Variants in CACNA1I observed in about 807,000 individuals in gnomAD.
The protein encoded by CACNA1I is voltage-dependent T-type calcium channel subunit alpha-1I.
In CACNA1I, 74 loss-of-function variants were observed where a neutral mutation model predicts 201.6. The observed-to-expected ratio is 0.37, with a 90% CI of 0.30 to 0.45. The LOEUF is 0.45. Among genes scored for constraint, CACNA1I ranks in the 20% least tolerant of loss-of-function variants. The pLI is 1.00. For missense variants in CACNA1I, 2,346 were observed against 3,138.1 expected (o/e 0.75, Z 6.03); for synonymous variants, 1,431 against 1,345.2 (o/e 1.06, Z -1.40).
intron 3 of CACNA1I, among the ~76,000 whole-genome samples, chr22:39,613,767 T>C (rs915858639): frequency 1.3e-5 from 2 of 151,932 alleles, no homozygotes. Context: ...CGGTGACTGA[T>C]GCAGTGGGAG....
rs532547712 is a variant in CACNA1I, at chr22:39,620,733, G to T, written c.580+1326G>T. The stretch of plus-strand genomic sequence containing the variant: ...CTGCCTGCCTTCCTGGTTTTTTTTT[G>T]TTGTTGTTGTTTGTTTGTTTGTTTG... On this transcript the variant is annotated intron_variant, in intron 4 of 36. Transcript: ENST00000402142. 5.0e-3 allele frequency among the ~76,000 whole-genome samples: 722 copies of T among 144,024 alleles called. 2 individuals carry two copies. Among genetic ancestry groups the T allele is most frequent in the Middle Eastern group, 7.1e-3 (2 of 280 alleles). 94.5% of individuals were successfully genotyped at this position (144,024 alleles called of 152,430 possible). A position where few individuals can be genotyped will look rare whatever the true frequency, so the allele number is the denominator to read the frequency against.
Position 39,649,222 on chromosome 22 carries a change from G to A in CACNA1I, c.1568-279G>A, listed in dbSNP as rs939874670. Among the ~76,000 whole-genome samples the A allele has an allele frequency of 5.3e-5, 8 of 152,174 alleles. No individual in the cohort carries two copies. The highest frequency in any genetic ancestry group is 1.4e-4 in the African/African-American group (6 of 41,448). On this transcript the variant is annotated intron_variant, in intron 9 of 36. Coordinates refer to ENST00000402142, the MANE Select transcript of CACNA1I (RefSeq NM_021096.4). The surrounding 1 kb of genome is among the most constrained non-coding windows in gnomAD (Gnocchi z 7.3). ...GGATGGCCGGTCAGCACGGATGCGC[G>A]CCCTGCACCGTGCTGGGCCCATCAT...
chr22:39,576,646 C>G (rs1033477374), intron 1 of CACNA1I, among the ~76,000 whole-genome samples: 1 of 152,196 alleles, frequency 6.6e-6, no homozygotes, highest in Non-Finnish European at 1.5e-5. Flanking sequence ...CCTCTCTGCT[C>G]GGGAAAGGGG....
chr22:39,581,506 C>T (rs753579894), intron 1 of CACNA1I, among the ~76,000 whole-genome samples: 43 of 152,120 alleles, frequency 2.8e-4, no homozygotes, highest in Admixed American at 2.0e-3. Flanking sequence ...GACAGAGAGG[C>T]GAAGTGCCTG....
chr22:39,653,348 A>G (rs1473943885), intron 10 of CACNA1I, among the ~76,000 whole-genome samples: 4 of 152,180 alleles, frequency 2.6e-5, no homozygotes, highest in Non-Finnish European at 5.9e-5. Context: ...AGGGGCAGCC[A>G]TGGTCTCCTG....
At chr22:39,598,551 T>C (rs1332427850) in intron 2 of CACNA1I, among the ~76,000 whole-genome samples, 4 of 151,956 alleles carry the variant, frequency 2.6e-5, no homozygotes, top group African/African-American at 7.3e-5. Flanking sequence ...TTGAAGCCTC[T>C]ACCTTAGTCC....
At chr22:39,670,672 G>T in intron 25 of CACNA1I, 131 bp from the exon 26 acceptor site, 1 of 832,528 alleles carries the variant, frequency 1.2e-6, no homozygotes, top group South Asian at 1.5e-5. Flanking sequence ...TGATCCCAGG[G>T]CCTGGGGTGG....
chr22:39,624,599 C>T (rs903111133), intron 4 of CACNA1I, among the ~76,000 whole-genome samples: 9 of 152,178 alleles, frequency 5.9e-5, no homozygotes, highest in African/African-American at 2.2e-4. Context: ...CTGGAAGGGC[C>T]CTGCAGATAC....
intron 1 of CACNA1I, among the ~76,000 whole-genome samples, chr22:39,578,456 G>A (rs1016314874): frequency 6.6e-6 from 1 of 151,930 alleles, no homozygotes; most frequent in Non-Finnish European, 1.5e-5. Flanking sequence ...GTCTACACAG[G>A]CAGCTCCTGG....
chr22:39,614,702 A>C (rs924881688), intron 3 of CACNA1I, among the ~76,000 whole-genome samples: 3 of 152,208 alleles, frequency 2.0e-5, no homozygotes, highest in Admixed American at 6.5e-5. Flanking sequence ...GCTAGGAGCC[A>C]GGAGCCAGGG....
At position 39,674,012 on chromosome 22, in the gene CACNA1I, G is replaced by A. The variant is rs1039020565; in HGVS notation, c.4833G>A (p.Thr1611=). ...MATGMRALLD[T]VVQALPQVGN... ...CAGGAATGCGGGCCCTGCTGGACAC[G>A]GTGGTGCAAGCTTTGCCCCAGGTAA... The change falls in exon 29 of 37, where the codon ACG becomes ACA. Residue 1611 remains threonine, a synonymous_variant. Transcript: ENST00000402142. The A allele has an allele frequency of 1.1e-5, 18 of 1,613,284 alleles. No homozygotes were observed. The highest frequency in any genetic ancestry group is 8.3e-5 in the Admixed American group (5 of 59,990).
rs1601523764 is a variant in CACNA1I, at chr22:39,674,375, A to T, written c.4854+342A>T. Among the ~76,000 whole-genome samples the T allele has an allele frequency of 3.3e-5, 5 of 152,230 alleles. No homozygotes were observed. In the South Asian group the frequency reaches 1.0e-3, roughly 32 times the overall value. ...CCTCCAGCATGCTCCAGAGAGAGAG[A>T]AGAGTGCCAGACACTCCCTGGGGAG... On this transcript the variant is annotated intron_variant, in intron 29 of 36. Transcript: ENST00000402142.
intron 4 of CACNA1I, among the ~76,000 whole-genome samples, chr22:39,620,034 T>TCCATCCAA (rs1933684835): frequency 7.5e-6 from 1 of 133,868 alleles, no homozygotes; most frequent in Non-Finnish European, 1.6e-5. Context: ...CATCCATCCA[T>TCCATCCAA]CCATCCATCC....
intron 5 of CACNA1I, among the ~76,000 whole-genome samples, chr22:39,637,091 C>T (rs1934237596): frequency 6.6e-6 from 1 of 152,210 alleles, no homozygotes; most frequent in Admixed American, 6.5e-5. Flanking sequence ...CTCACCGACC[C>T]CTTCCAGGGG....
intron 3 of CACNA1I, among the ~76,000 whole-genome samples, chr22:39,613,307 A>T (rs1478461483): frequency 2.0e-5 from 3 of 152,284 alleles, no homozygotes; most frequent in Non-Finnish European, 4.4e-5. Flanking sequence ...GCTCTGAGCC[A>T]ACCCCTGCTC....
At chr22:39,577,078 A>T (rs1201036566) in intron 1 of CACNA1I, among the ~76,000 whole-genome samples, 1 of 151,972 alleles carries the variant, frequency 6.6e-6, no homozygotes, top group Non-Finnish European at 1.5e-5. Flanking sequence ...CAGCCTCCTG[A>T]GTAGCTGGGA....
rs1935152058 is a variant in CACNA1I at position 39,665,298 on chromosome 22, CTGCTCTGCCCG to C, written c.3852-197_3852-187del. 6.6e-6 allele frequency among the ~76,000 whole-genome samples: 1 copy of C among 152,138 alleles called. No homozygotes were observed. Among genetic ancestry groups the C allele is most frequent in the Admixed American group, 6.5e-5 (1 of 15,278 alleles). On this transcript the variant is annotated intron_variant, in intron 21 of 36. Coordinates refer to ENST00000402142, the MANE Select transcript of CACNA1I (RefSeq NM_021096.4). The surrounding 1 kb of genome is among the most constrained non-coding windows in gnomAD (Gnocchi z 5.5). ...CTGAGGCCTGGGTGCAGCTTGCCTCCTGCTCTGCCCGTGTCTGGGCTGCCTGGCCACTTTCT... is the reference window on the plus strand; with the variant it reads ...CTGAGGCCTGGGTGCAGCTTGCCTCCTGTCTGGGCTGCCTGGCCACTTTCT...
rs780676438 is a variant in CACNA1I at position 39,646,783 on chromosome 22, G to A, written c.1364G>A (p.Gly455Asp). 4 of 1,573,108 alleles carry A rather than the reference G, an allele frequency of 2.5e-6. No homozygotes were observed. In the South Asian group the frequency reaches 3.5e-5, roughly 14 times the overall value. ...ILRKAKRRAL[G>D]LYQALQSRRQ... ...CGCAAGGCCAAGCGCCGCGCCCTGG[G>A]CCTCTACCAGGCCCTGCAGAGCCGG... The change falls in exon 8 of 37, where the codon GGC (glycine) becomes GAC (aspartate). Residue 455 changes from glycine to aspartate, a missense_variant. Transcript: ENST00000402142.
chr22:39,622,012 C>A (rs1032183384), intron 4 of CACNA1I, among the ~76,000 whole-genome samples: 1 of 152,104 alleles, frequency 6.6e-6, no homozygotes, highest in African/African-American at 2.4e-5. Context: ...CAGGGTCACA[C>A]AGCAATTCAG....
Sources: gnomAD v4.1 joint callset for allele counts (sites outside exome capture counted in the v4.1 genomes callset) on GRCh38, gnomAD v4.1.1 for gene constraint, Gnocchi (gnomAD v3.1) non-coding constraint, MANE v1.5 for transcripts, NCBI Gene and HGNC (gene_info 2026-07-23, HGNC 2026-07-21) for gene names.